The following ST18 variants were observed in gnomAD, a reference collection of about 807,000 sequenced individuals.
ST18 encodes the protein ST18 C2H2C-type zinc finger transcription factor.
A neutral mutation model predicts 110.0 loss-of-function variants in ST18; 50 were observed. That is an observed-to-expected ratio of 0.45 (90% CI 0.36 to 0.58). ST18 has a LOEUF of 0.58. ST18 is among the 20% of genes least tolerant of loss of function. ST18 has a pLI of 0.00. For synonymous variants in ST18, 461 were observed against 452.4 expected (o/e 1.02, Z -0.24); for missense variants, 1,306 against 1,280.1 (o/e 1.02, Z -0.31).
chr8:52,337,974 T>C (rs545462063), intron 2 of ST18, among the ~76,000 whole-genome samples: 7 of 152,236 alleles, frequency 4.6e-5, no homozygotes, highest in African/African-American at 9.6e-5. Context: ...AGTTTAAGAA[T>C]GTCAGGATGA....
chr8:52,338,250 G>C (rs1813103883), intron 2 of ST18, among the ~76,000 whole-genome samples: 1 of 151,904 alleles, frequency 6.6e-6, no homozygotes, highest in South Asian at 2.1e-4. Flanking sequence ...TAGAGATAGA[G>C]TTTCACCATG....
At chr8:52,284,358 A>G (rs2095434316) in intron 2 of ST18, among the ~76,000 whole-genome samples, 1 of 152,194 alleles carries the variant, frequency 6.6e-6, no homozygotes. Flanking sequence ...TTTTGGAAAG[A>G]ATCATCTCTG....
At chr8:52,344,916 T>C (rs975543532) in intron 2 of ST18, among the ~76,000 whole-genome samples, 1 of 151,694 alleles carries the variant, frequency 6.6e-6, no homozygotes, top group African/African-American at 2.4e-5. Flanking sequence ...TATGTATTAT[T>C]GTTATTATTA....
At chr8:52,389,819 C>T (rs958795049) in intron 2 of ST18, among the ~76,000 whole-genome samples, 2 of 152,168 alleles carry the variant, frequency 1.3e-5, no homozygotes, top group African/African-American at 4.8e-5. Context: ...GTAGAGAAAG[C>T]GATGCCAGGA....
intron 2 of ST18, among the ~76,000 whole-genome samples, chr8:52,265,628 A>G (rs2094842948): frequency 1.3e-5 from 2 of 152,208 alleles, no homozygotes; most frequent in Non-Finnish European, 2.9e-5. Context: ...TGAGATAAGA[A>G]ATACTTCTTT....
chr8:52,373,376 C>T (rs1351345011), intron 2 of ST18, among the ~76,000 whole-genome samples: 1 of 152,150 alleles, frequency 6.6e-6, no homozygotes, highest in Non-Finnish European at 1.5e-5. Context: ...ATGTTAGCTC[C>T]TGCTTTCTAT....
Position 52,214,266 on chromosome 8 carries a change from T to C in ST18, c.1-9A>G, listed in dbSNP as rs1244832577. Reference sequence around the variant, plus strand: ...TCAGCCTCTGCATCCATCTATAACATGAACACAAAGTCCTGAGGTCATTCC... The same window carrying C: ...TCAGCCTCTGCATCCATCTATAACACGAACACAAAGTCCTGAGGTCATTCC... On this transcript the variant is annotated splice_polypyrimidine_tract_variant and intron_variant, in intron 6 of 25. Coordinates refer to ENST00000689386, the MANE Select transcript of ST18 (RefSeq NM_001352837.2). 1.2e-6 allele frequency: 2 copies of C among 1,613,786 alleles called. No homozygotes were observed. Among genetic ancestry groups the C allele is most frequent in the East Asian group, 2.2e-5 (1 of 44,872 alleles).
At chr8:52,393,894 A>C (rs1160597600) in intron 2 of ST18, 15 of 152,320 alleles carry the variant, frequency 9.8e-5, no homozygotes, top group Admixed American at 9.8e-4. Flanking sequence ...AAAAAAAAAA[A>C]AAAAAAAAAG....
chr8:52,350,461 C>T (rs1364851172), intron 2 of ST18, among the ~76,000 whole-genome samples: 1 of 152,144 alleles, frequency 6.6e-6, no homozygotes, highest in African/African-American at 2.4e-5. Context: ...TGGCCCCAAA[C>T]ATCAGAGGGT....
chr8:52,246,631 C>T (rs1405787523), intron 2 of ST18: 1 of 152,082 alleles, frequency 6.6e-6, no homozygotes, highest in Non-Finnish European at 1.5e-5. Flanking sequence ...GGAATTGTCA[C>T]AATGCTTCAG....
At position 52,132,191 on chromosome 8, in the gene ST18, G is replaced by A. The variant is rs561793504; in HGVS notation, c.2445-12C>T. 6.2e-7 allele frequency: 1 copy of A among 1,602,240 alleles called. No homozygotes were observed. The highest frequency in any genetic ancestry group is 1.1e-5 in the South Asian group (1 of 90,312). ...CTATCACAGGACATCTAGAGAGAAA[G>A]CAGAGACATTACCAGCCAGGAAGAA... On this transcript the variant is annotated splice_polypyrimidine_tract_variant and intron_variant, in intron 21 of 25. Transcript: ENST00000689386.
intron 2 of ST18, among the ~76,000 whole-genome samples, chr8:52,316,430 T>A (rs769026219): frequency 6.6e-6 from 1 of 152,236 alleles, no homozygotes; most frequent in South Asian, 2.1e-4. Context: ...GCAAACTTTA[T>A]AATTTTTGCA....
chr8:52,214,392 T>G, intron 6 of ST18, 135 bp from the exon 7 acceptor site: 1 of 832,702 alleles, frequency 1.2e-6, no homozygotes, highest in South Asian at 1.6e-5. Flanking sequence ...CCCGGCTCTA[T>G]AGTACATAAC....
At chr8:52,268,135 T>C (rs1466237971) in intron 2 of ST18, among the ~76,000 whole-genome samples, 2 of 152,238 alleles carry the variant, frequency 1.3e-5, no homozygotes, top group Non-Finnish European at 2.9e-5. Context: ...TGAATGGGTC[T>C]GTACATCCTA....
At chr8:52,242,450 GT>G (rs2093500437) in intron 2 of ST18, among the ~76,000 whole-genome samples, 1 of 152,224 alleles carries the variant, frequency 6.6e-6, no homozygotes, top group Non-Finnish European at 1.5e-5. Context: ...CCATGGTGCA[GT>G]TTTCTCCATG....
chr8:52,377,017 T>C (rs1186915512), intron 2 of ST18, among the ~76,000 whole-genome samples: 1 of 152,172 alleles, frequency 6.6e-6, no homozygotes, highest in Non-Finnish European at 1.5e-5. Context: ...ACTGATGCCC[T>C]CTTATGACAA....
chr8:52,242,058 T>C (rs1486850669), intron 2 of ST18, among the ~76,000 whole-genome samples: 1 of 152,240 alleles, frequency 6.6e-6, no homozygotes, highest in Admixed American at 6.5e-5. Context: ...CAACCCTCAA[T>C]AACTTGACTC....
intron 18 of ST18, 119 bp downstream of exon 18, chr8:52,137,302 C>G (rs2052837493): frequency 1.9e-6 from 2 of 1,072,416 alleles, no homozygotes; most frequent in East Asian, 2.7e-5. Context: ...GAAAATAAAC[C>G]AAAAACCCAA....
Position 52,161,487 on chromosome 8 carries a change from T to C in ST18, c.1482A>G (p.Gln494=), listed in dbSNP as rs758304450. ...CAAATGGTACTTTTCCAAACTTCTCTTGTTCTTTTGACACTGTGGCTCTGG... is the reference window on the plus strand; with the variant it reads ...CAAATGGTACTTTTCCAAACTTCTCCTGTTCTTTTGACACTGTGGCTCTGG... ...TSPRATVSKE[Q]EKFGKVPFDY... is the part of the protein sequence containing the mutation. The change falls in exon 14 of 26, where the codon CAA becomes CAG. Residue 494 remains glutamine, a synonymous_variant. Coordinates refer to ENST00000689386, the MANE Select transcript of ST18 (RefSeq NM_001352837.2). 8 of 1,614,090 alleles carry C rather than the reference T, an allele frequency of 5.0e-6. No homozygotes were observed. The highest frequency in any genetic ancestry group is 5.9e-6 in the Non-Finnish European group (7 of 1,180,032).
Sources: allele counts gnomAD v4.1 joint callset (sites outside exome capture counted in the v4.1 genomes callset), GRCh38; gene constraint gnomAD v4.1.1; transcripts MANE v1.5; gene names NCBI Gene and HGNC (gene_info 2026-07-23, HGNC 2026-07-21).